Variants in USPL1 observed in about 807,000 individuals in gnomAD.
The protein encoded by USPL1 is ubiquitin specific peptidase like 1, also known as SUMO-specific isopeptidase USPL1.
USPL1 carries 27 observed loss-of-function variants against 51.5 expected under a neutral mutation model. That is an observed-to-expected ratio of 0.52 (90% confidence interval 0.39 to 0.72). USPL1 has a LOEUF of 0.72. Among genes scored for constraint, USPL1 ranks in the 30% least tolerant of loss-of-function variants. The pLI, the probability that USPL1 is intolerant of heterozygous loss-of-function variation, is 0.00. For missense variants in USPL1, 1,226 were observed against 1,268.0 expected, an observed-to-expected ratio of 0.97 and a Z score of 0.50; for synonymous variants, 451 against 459.6, an observed-to-expected ratio of 0.98 and a Z score of 0.24.
chr13:30,630,772 A>T, intron 3 of USPL1, 63 bp from the exon 4 acceptor site: 1 of 1,464,316 alleles, frequency 6.8e-7, no homozygotes, highest in African/African-American at 1.4e-5. Context: ...ATGATATGAA[A>T]ACTATAAAAC....
rs1296558898 is a variant in USPL1, at chr13:30,621,215, C to T, written c.75C>T (p.Leu25=). Residue 25 remains leucine, a synonymous_variant, in exon 2 of 9, where the codon CTC becomes CTT. Transcript: ENST00000255304. ...GPGTDIGISS[L]HMVGYLGKNF... is the part of the protein sequence containing the mutation. ...GGACTGATATAGGGATATCTTCACT[C>T]CACATGGTGGGGTATTTGGGAAAAG... The T allele has an allele frequency of 6.3e-7, 1 of 1,597,286 alleles. No individual in the cohort carries two copies.
chr13:30,644,209 G>A (rs1017597855), intron 6 of USPL1, among the ~76,000 whole-genome samples: 16 of 152,046 alleles, frequency 1.1e-4, no homozygotes, highest in African/African-American at 1.4e-4. Context: ...CTTGAAACCC[G>A]AAGGTGGAGG....
At chr13:30,653,103 A>G (rs1344547975) in intron 7 of USPL1, 45 bp from the exon 8 acceptor site, 4 of 1,527,088 alleles carry the variant, frequency 2.6e-6, no homozygotes, top group African/African-American at 1.4e-5. Context: ...AATCAGACAC[A>G]TGGCATTAAA....
chr13:30,626,313 AAAATAAAT>A (rs57602031), intron 3 of USPL1, among the ~76,000 whole-genome samples: 58 of 149,276 alleles, frequency 3.9e-4, no homozygotes, highest in African/African-American at 5.7e-4. Flanking sequence ...ACTCTATCTC[AAAATAAAT>A]AAATAAATAA....
At chr13:30,626,313 A>T (rs1353942550) in intron 3 of USPL1, among the ~76,000 whole-genome samples, 4 of 149,296 alleles carry the variant, frequency 2.7e-5, no homozygotes, top group East Asian at 3.9e-4. Flanking sequence ...ACTCTATCTC[A>T]AAATAAATAA....
At chr13:30,647,383 T>C (rs186576028) in intron 7 of USPL1, among the ~76,000 whole-genome samples, 42 of 152,294 alleles carry the variant, frequency 2.8e-4, no homozygotes, top group African/African-American at 9.9e-4. Flanking sequence ...AATTCTGGGA[T>C]TTCCTTAATC....
intron 1 of USPL1, 139 bp from the exon 2 acceptor site, chr13:30,620,934 T>C (rs959503089): frequency 2.1e-5 from 9 of 429,272 alleles, no homozygotes; most frequent in Non-Finnish European, 3.2e-5. Flanking sequence ...CACTTCAAGA[T>C]TATAATTTTA....
chr13:30,630,124 G>A (rs1339932967), intron 3 of USPL1, among the ~76,000 whole-genome samples: 1 of 152,078 alleles, frequency 6.6e-6, no homozygotes, highest in Non-Finnish European at 1.5e-5. Context: ...ATACGGGAGT[G>A]TACTGCCATG....
intron 3 of USPL1, among the ~76,000 whole-genome samples, chr13:30,627,523 CTT>C (rs5802579): frequency 5.6e-4 from 81 of 144,274 alleles, no homozygotes; most frequent in African/African-American, 6.3e-4. Context: ...CTGTTTTGTT[CTT>C]TTTTTTTTTT....
intron 8 of USPL1, among the ~76,000 whole-genome samples, chr13:30,654,425 A>C (rs1951133315): frequency 6.7e-6 from 1 of 148,850 alleles, no homozygotes; most frequent in African/African-American, 2.5e-5. Context: ...TTGAGACAGC[A>C]TCTCACTATA....
At chr13:30,654,759 A>G (rs1248222253) in intron 8 of USPL1, among the ~76,000 whole-genome samples, 1 of 152,022 alleles carries the variant, frequency 6.6e-6, no homozygotes, top group Non-Finnish European at 1.5e-5. Context: ...CCCTTTTGAA[A>G]CTTATCAGAG....
rs1247069992 is a variant in USPL1 at position 30,657,477 on chromosome 13, G to A, written c.1400G>A (p.Ser467Asn). 15 of 1,575,474 alleles carry A rather than the reference G, an allele frequency of 9.5e-6. No homozygotes were observed. The highest frequency in any genetic ancestry group is 3.9e-5 in the Admixed American group (2 of 51,300). Residue 467 changes from serine (S) to asparagine (N), a missense_variant, in exon 9 of 9, where the codon AGT (serine) becomes AAT (asparagine). Physicochemically the swap from Ser to Asn is conservative, Grantham distance 46. Transcript: ENST00000255304. Reference protein sequence around the residue: ...FITWILDADGSWLECDDLKGP... With the variant: ...FITWILDADGNWLECDDLKGP... ...TCACTTCTTTCCCATCTTCCAGGAAGTTGGCTGGAATGTGATGACTTAAAA... is the reference window on the plus strand; with the variant it reads ...TCACTTCTTTCCCATCTTCCAGGAAATTGGCTGGAATGTGATGACTTAAAA...
At chr13:30,636,680 G>C (rs1391385962) in intron 4 of USPL1, among the ~76,000 whole-genome samples, 1 of 152,188 alleles carries the variant, frequency 6.6e-6, no homozygotes, top group Non-Finnish European at 1.5e-5. Context: ...TATCACAATA[G>C]TATTTATAAT....
At chr13:30,639,391 A>G (rs1344750886) in intron 5 of USPL1, among the ~76,000 whole-genome samples, 1 of 151,902 alleles carries the variant, frequency 6.6e-6, no homozygotes, top group African/African-American at 2.4e-5. Context: ...TTTTATTAAA[A>G]TTAATATATA....
chr13:30,624,336 C>A (rs929249749), intron 3 of USPL1, among the ~76,000 whole-genome samples: 1 of 152,112 alleles, frequency 6.6e-6, no homozygotes, highest in Non-Finnish European at 1.5e-5. Context: ...CCTGACTGGC[C>A]AGGCACAGTG....
At chr13:30,656,658 T>G (rs962593327) in intron 8 of USPL1, among the ~76,000 whole-genome samples, 5 of 152,228 alleles carry the variant, frequency 3.3e-5, no homozygotes, top group Non-Finnish European at 5.9e-5. Context: ...AAGTCCCTGC[T>G]TTTCATTCTT....
chr13:30,631,047 C>G lies in USPL1; in HGVS notation c.441C>G (p.Asp147Glu). 1 of 1,614,060 alleles carries G rather than the reference C, an allele frequency of 6.2e-7. No individual in the cohort carries two copies. Among genetic ancestry groups the G allele is most frequent in the African/African-American group, 1.3e-5 (1 of 75,028 alleles). Reference sequence around the variant, plus strand: ...GCAAACATAATGGAGAAGTATATGACGAAACCTCGTCAAACTTACCTGATA... The same window carrying G: ...GCAAACATAATGGAGAAGTATATGAGGAAACCTCGTCAAACTTACCTGATA... ...LNSKHNGEVY[D>E]ETSSNLPDSS... Residue 147 changes from aspartate (D) to glutamate (E), a missense_variant, in exon 4 of 9, where the codon GAC becomes GAG. Asp to Glu is a conservative substitution (Grantham distance 45). Transcript: ENST00000255304.
chr13:30,623,648 C>T (rs1037559692), intron 3 of USPL1, among the ~76,000 whole-genome samples: 11 of 152,102 alleles, frequency 7.2e-5, no homozygotes, highest in Non-Finnish European at 1.6e-4. Flanking sequence ...ATTGTGGTGA[C>T]TTAGGATGGA....
chr13:30,658,602 C>T lies in USPL1; in HGVS notation c.2525C>T (p.Pro842Leu). ...PPSSNGTAAHPHAHAASEVLE... is the reference protein window; with the variant it reads ...PPSSNGTAAHLHAHAASEVLE... ...TCGTCTAATGGCACAGCTGCCCACC[C>T]ACATGCTCATGCTGCTTCAGAAGTT... Residue 842 changes from proline (P) to leucine (L), a missense_variant, in exon 9 of 9, where the codon CCA (proline) becomes CTA (leucine). Pro to Leu is a moderately conservative substitution (Grantham distance 98). Coordinates refer to ENST00000255304, the MANE Select transcript of USPL1 (RefSeq NM_005800.5). 1 of 1,614,220 alleles carries T rather than the reference C, an allele frequency of 6.2e-7. No homozygotes were observed. Among genetic ancestry groups the T allele is most frequent in the Non-Finnish European group, 8.5e-7 (1 of 1,180,046 alleles).
Sources: allele counts gnomAD v4.1 joint callset (sites outside exome capture counted in the v4.1 genomes callset), GRCh38; gene constraint gnomAD v4.1.1; transcripts MANE v1.5; gene names NCBI Gene and HGNC (gene_info 2026-07-23, HGNC 2026-07-21).